IFT74: variants seen among roughly 807,000 people sequenced by gnomAD.
IFT74 encodes intraflagellar transport 74.
In IFT74, 92 loss-of-function variants were observed where a neutral mutation model predicts 96.7. The observed-to-expected ratio is 0.95, with a 90% CI of 0.80 to 1.13. IFT74 has a LOEUF of 1.13. Among genes scored for constraint, IFT74 ranks in the 50% most tolerant of loss-of-function variants. The probability of loss-of-function intolerance (pLI) is 0.00; values close to 1 mark genes in which losing one functional copy is unlikely to be tolerated. For missense variants in IFT74, 811 were observed against 698.2 expected (o/e 1.16, Z -1.82); for synonymous variants, 223 against 213.2 (o/e 1.05, Z -0.40).
chr9:26,996,416 G>A (rs1428714184), intron 8 of IFT74: 4 of 1,609,556 alleles, frequency 2.5e-6, no homozygotes, highest in Non-Finnish European at 3.4e-6. Context: ...AATTTTGAGT[G>A]GCATTCAGCC....
chr9:26,967,013 T>C (rs1284363679), intron 2 of IFT74, among the ~76,000 whole-genome samples: 3 of 151,914 alleles, frequency 2.0e-5, no homozygotes, highest in Non-Finnish European at 4.4e-5. Flanking sequence ...CTATTCTGTT[T>C]TTATGCCAGT....
intron 2 of IFT74, among the ~76,000 whole-genome samples, chr9:26,968,225 G>A (rs1826713873): frequency 6.6e-6 from 1 of 151,048 alleles, no homozygotes; most frequent in Admixed American, 6.6e-5. Flanking sequence ...CAGGTCCTGA[G>A]CTTTTCTTTG....
At chr9:27,061,671 C>T (rs1820426001) in intron 19 of IFT74, among the ~76,000 whole-genome samples, 1 of 120,818 alleles carries the variant, frequency 8.3e-6, no homozygotes, top group South Asian at 4.1e-4. Flanking sequence ...TTATATATAT[C>T]CACAAGTATA....
intron 8 of IFT74, among the ~76,000 whole-genome samples, chr9:26,990,622 G>T (rs750443436): frequency 9.2e-5 from 14 of 152,032 alleles, no homozygotes; most frequent in Non-Finnish European, 1.5e-4. Flanking sequence ...AGCAATCTAC[G>T]TCATATATAG....
chr9:27,047,506 T>A, intron 15 of IFT74, 135 bp downstream of exon 15: 2 of 551,398 alleles, frequency 3.6e-6, no homozygotes, highest in Non-Finnish European at 6.4e-6. Flanking sequence ...CCTTACTTGT[T>A]ACTATTTATT....
intron 8 of IFT74, among the ~76,000 whole-genome samples, chr9:26,997,235 T>G (rs13286389): frequency 8.0e-4 from 121 of 150,920 alleles, no homozygotes; most frequent in Admixed American, 1.9e-3. Context: ...AATTTCTTAA[T>G]TTTTCCCCCT....
At chr9:26,979,729 T>C (rs973786664) in intron 3 of IFT74, among the ~76,000 whole-genome samples, 7 of 146,940 alleles carry the variant, frequency 4.8e-5, no homozygotes, top group African/African-American at 1.8e-4. Context: ...TTTTTTTTTT[T>C]TGAGATGGGG....
upstream of IFT74, among the ~76,000 whole-genome samples, chr9:26,952,300 G>T (rs1363452051): frequency 1.4e-5 from 2 of 142,794 alleles, no homozygotes; most frequent in African/African-American, 5.2e-5. Context: ...TTTTTGAGAC[G>T]AAGTCTTACT....
At chr9:27,012,881 T>G (rs554247390) in intron 10 of IFT74, among the ~76,000 whole-genome samples, 4 of 151,972 alleles carry the variant, frequency 2.6e-5, no homozygotes, top group African/African-American at 9.6e-5. Flanking sequence ...CACACCCAGC[T>G]AATTTTTTTG....
chr9:27,016,802 A>T, intron 10 of IFT74, 105 bp from the exon 11 acceptor site: 1 of 723,054 alleles, frequency 1.4e-6, no homozygotes, highest in Non-Finnish European at 2.2e-6. Flanking sequence ...GTATTTAAAG[A>T]TGCTAGTAGT....
intron 12 of IFT74, among the ~76,000 whole-genome samples, chr9:27,023,727 G>C (rs998886147): frequency 2.0e-5 from 3 of 152,140 alleles, no homozygotes; most frequent in Non-Finnish European, 4.4e-5. Flanking sequence ...GTTTCAGTAA[G>C]ATCAGCAGCA....
intron 18 of IFT74, among the ~76,000 whole-genome samples, chr9:27,059,413 G>A (rs771459180): frequency 6.6e-6 from 1 of 152,170 alleles, no homozygotes; most frequent in South Asian, 2.1e-4. Context: ...GAGGTATAAT[G>A]TAAAAGGAAT....
chr9:27,012,971 C>T (rs1829177131), intron 10 of IFT74, among the ~76,000 whole-genome samples: 1 of 152,100 alleles, frequency 6.6e-6, no homozygotes, highest in East Asian at 1.9e-4. Context: ...CCCACCTCGG[C>T]CTCCCAAAGT....
chr9:26,986,296 G>A (rs1170544411), intron 6 of IFT74, among the ~76,000 whole-genome samples: 2 of 150,128 alleles, frequency 1.3e-5, no homozygotes, highest in African/African-American at 4.9e-5. Context: ...GGTGGTGGTG[G>A]TGGGTTTTGT....
At chr9:26,982,451 ATTTTTTTTT>A (rs56756518) in intron 4 of IFT74, 3 of 215,754 alleles carry the variant, frequency 1.4e-5, no homozygotes, top group East Asian at 1.8e-4. Flanking sequence ...TAATTTTTGT[ATTTTTTTTT>A]TTTTTTTTTT....
intron 12 of IFT74, among the ~76,000 whole-genome samples, chr9:27,022,978 T>C (rs997546369): frequency 6.6e-6 from 1 of 152,174 alleles, no homozygotes; most frequent in Non-Finnish European, 1.5e-5. Context: ...TGTTGGTATA[T>C]AGCGGTGCTA....
At position 27,017,051 on chromosome 9, in the gene IFT74, G is replaced by A. The variant is rs2131618073; in HGVS notation, c.933+1G>A. On this transcript the variant is annotated splice_donor_variant, in intron 11 of 19. Coordinates refer to ENST00000380062, the MANE Select transcript of IFT74 (RefSeq NM_025103.4). LOFTEE classifies it high-confidence loss of function. ...AGAGAGAGAGAAATTACTTAAGCAG[G>A]TGGGCAAAACAAACATACTTATTTT... The A allele has an allele frequency of 6.3e-7, 1 of 1,597,032 alleles. No homozygotes were observed. Among genetic ancestry groups the A allele is most frequent in the Non-Finnish European group, 8.5e-7 (1 of 1,174,444 alleles).
At chr9:27,003,205 G>GTT (rs11435056) in intron 8 of IFT74, among the ~76,000 whole-genome samples, 4 of 147,668 alleles carry the variant, frequency 2.7e-5, no homozygotes, top group African/African-American at 5.0e-5. Context: ...TTTAGGGTTT[G>GTT]TTTTTTTTTT....
chr9:26,979,086 A>T (rs1827247076), intron 3 of IFT74, among the ~76,000 whole-genome samples: 1 of 152,102 alleles, frequency 6.6e-6, no homozygotes, highest in South Asian at 2.1e-4. Flanking sequence ...TGCTAGTACA[A>T]AATTAATTAT....
Sources: gnomAD v4.1 joint callset for allele counts (sites outside exome capture counted in the v4.1 genomes callset) on GRCh38, gnomAD v4.1.1 for gene constraint, MANE v1.5 for transcripts, NCBI Gene and HGNC (gene_info 2026-07-23, HGNC 2026-07-21) for gene names.